SENP6: variants seen among roughly 807,000 people sequenced by gnomAD.
SENP6 encodes SUMO specific peptidase 6, also known as sentrin-specific protease 6.
Under a neutral mutation model 134.5 loss-of-function variants are expected in SENP6, and 41 were observed. The ratio of observed to expected loss-of-function variants is 0.30; its 90% confidence interval spans 0.24 to 0.40. The LOEUF is 0.40. Among genes scored for constraint, SENP6 ranks in the 10% least tolerant of loss-of-function variants. SENP6 has a pLI of 1.00. For missense variants in SENP6, 1,248 were observed against 1,312.5 expected, an observed-to-expected ratio of 0.95 and a Z score of 0.76; for synonymous variants, 395 against 429.8, an observed-to-expected ratio of 0.92 and a Z score of 1.00.
At chr6:75,657,359 G>T in intron 7 of SENP6, among the ~76,000 whole-genome samples, 1 of 152,096 alleles carries the variant, frequency 6.6e-6, no homozygotes, top group Non-Finnish European at 1.5e-5. Flanking sequence ...ATACCTGGAT[G>T]CTCTGGACTG....
chr6:75,699,728 G>A (rs931796983), intron 18 of SENP6, among the ~76,000 whole-genome samples: 4 of 151,894 alleles, frequency 2.6e-5, no homozygotes, highest in Admixed American at 6.6e-5. Context: ...GAGCCGAAGC[G>A]GTCCACCTGC....
chr6:75,713,066 T>A (rs1392844256), intron 21 of SENP6, among the ~76,000 whole-genome samples: 3 of 152,152 alleles, frequency 2.0e-5, no homozygotes, highest in Admixed American at 2.0e-4. Context: ...GTTATTACGC[T>A]GCTTCACATG....
chr6:75,626,988 T>C (rs1402594357), intron 3 of SENP6, among the ~76,000 whole-genome samples: 3 of 152,152 alleles, frequency 2.0e-5, no homozygotes, highest in African/African-American at 4.8e-5. Flanking sequence ...CTATTGAGAC[T>C]GAGTCTCACT....
intron 16 of SENP6, among the ~76,000 whole-genome samples, chr6:75,685,306 A>G (rs1002635326): frequency 7.2e-5 from 11 of 151,950 alleles, no homozygotes; most frequent in Admixed American, 5.2e-4. Flanking sequence ...CAGTCAGTCA[A>G]TTTTGTTGAT....
chr6:75,629,928 CTA>C (rs1237101719), intron 3 of SENP6, among the ~76,000 whole-genome samples: 1 of 152,090 alleles, frequency 6.6e-6, no homozygotes, highest in Non-Finnish European at 1.5e-5. Context: ...AAAGAAGAGA[CTA>C]TTCCTAAGTT....
chr6:75,652,683 C>CAAAAAAAAAAAAAAA (rs71002754), intron 7 of SENP6, among the ~76,000 whole-genome samples: 801 of 75,738 alleles, frequency 0.011, 5 homozygotes, highest in African/African-American at 0.017. Flanking sequence ...CTAAAAATCT[C>CAAAAAAAAAAAAAAA]AAAAAAAAAA....
intron 2 of SENP6, chr6:75,622,826 T>TAAA (rs1267354262): frequency 7.8e-7 from 1 of 1,288,252 alleles, no homozygotes; most frequent in African/African-American, 1.5e-5. Context: ...AGATGTTGAT[T>TAAA]TGAAGTTTTA....
Position 75,621,557 on chromosome 6 carries a change from A to G in SENP6, c.78A>G (p.Arg26=). Residue 26 remains arginine (R), a synonymous_variant, in exon 2 of 24, where the codon AGA becomes AGG. Coordinates refer to ENST00000447266, the MANE Select transcript of SENP6 (RefSeq NM_015571.4). ...CTTTGGCTAGATCAGAGTCTAAGAG[A>G]GATGGAGGTTTTAAAAATAATTGGA... is the stretch of plus-strand genomic sequence containing the variant. ...LEALARSESK[R]DGGFKNNWSF... is the part of the protein sequence containing the mutation. 6.2e-7 allele frequency: 1 copy of G among 1,611,072 alleles called. No individual in the cohort carries two copies. Among genetic ancestry groups the G allele is most frequent in the Non-Finnish European group, 8.5e-7 (1 of 1,177,718 alleles).
rs201458110 is a variant in SENP6 at position 75,699,221 on chromosome 6, C to CTAAGTGA, written c.2288+1704_2288+1705insTAAGTGA. ...AGGCGCATCCCTCTTAGTCACTATA[C>CTAAGTGA]CTCTGCATGGAAGTTATTATCAGTG... is the stretch of plus-strand genomic sequence containing the variant. On this transcript the variant is annotated intron_variant, in intron 18 of 23. Coordinates refer to ENST00000447266, the MANE Select transcript of SENP6 (RefSeq NM_015571.4). Among the ~76,000 whole-genome samples the CTAAGTGA allele has an allele frequency of 0.01, 1,589 of 152,014 alleles. 53 individuals carry two copies. The East Asian group carries it at 0.14, about 13-fold the overall frequency.
At chr6:75,705,525 C>G (rs1775329087) in intron 19 of SENP6, among the ~76,000 whole-genome samples, 1 of 152,048 alleles carries the variant, frequency 6.6e-6, no homozygotes, top group South Asian at 2.1e-4. Context: ...GTCTGGGCAA[C>G]AGAGCGAGAC....
At chr6:75,669,381 T>G (rs1241580907) in intron 10 of SENP6, among the ~76,000 whole-genome samples, 1 of 152,088 alleles carries the variant, frequency 6.6e-6, no homozygotes, top group Non-Finnish European at 1.5e-5. Flanking sequence ...TGGAAAATAT[T>G]AATGATAAAT....
chr6:75,675,710 AT>A (rs201073122), intron 12 of SENP6, 149 bp from the exon 13 acceptor site: 14 of 879,894 alleles, frequency 1.6e-5, no homozygotes, highest in Middle Eastern at 2.2e-4. Flanking sequence ...AGTTATAAAG[AT>A]TTTTTTTATT....
intron 1 of SENP6, among the ~76,000 whole-genome samples, chr6:75,612,772 G>A (rs969421796): frequency 6.6e-6 from 1 of 152,120 alleles, no homozygotes; most frequent in African/African-American, 2.4e-5. Context: ...CATCCCCAAG[G>A]ACCAAATCAT....
rs538621601 is a variant in SENP6, at chr6:75,631,755, A to G, written c.208-1826A>G. Among the ~76,000 whole-genome samples the G allele has an allele frequency of 3.9e-5, 6 of 152,370 alleles. No homozygotes were observed. In the East Asian group the frequency reaches 1.2e-3, roughly 29 times the overall value. ...AGAGACTATATGATCAAGAAAGCCT[A>G]CAATACTTACTTTTAGCCCTTGGCA... On this transcript the variant is annotated intron_variant, in intron 3 of 23. Transcript: ENST00000447266.
chr6:75,682,850 G>C (rs922551535), intron 16 of SENP6, among the ~76,000 whole-genome samples: 2 of 152,144 alleles, frequency 1.3e-5, no homozygotes, highest in Non-Finnish European at 2.9e-5. Context: ...ATTGTGAATA[G>C]TGCCGCAATA....
At chr6:75,672,883 A>C (rs1772787401) in intron 11 of SENP6, among the ~76,000 whole-genome samples, 1 of 152,116 alleles carries the variant, frequency 6.6e-6, no homozygotes. Flanking sequence ...GCTGGAGTGC[A>C]GTGGCGCAAT....
intron 9 of SENP6, among the ~76,000 whole-genome samples, chr6:75,665,216 G>A (rs1418467519): frequency 6.6e-6 from 1 of 152,052 alleles, no homozygotes; most frequent in Non-Finnish European, 1.5e-5. Flanking sequence ...AACCCAGGAG[G>A]TGGAGCTTGC....
At chr6:75,677,316 ATGT>A in intron 14 of SENP6, 60 bp downstream of exon 14, 1 of 1,143,376 alleles carries the variant, frequency 8.7e-7, no homozygotes, top group Non-Finnish European at 1.2e-6. Flanking sequence ...AAAGGGAAAT[ATGT>A]TTTATTTTAA....
intron 10 of SENP6, 40 bp downstream of exon 10, chr6:75,666,981 C>A: frequency 1.4e-6 from 2 of 1,407,316 alleles, no homozygotes; most frequent in South Asian, 1.3e-5. Context: ...AGATTAATGC[C>A]TCCATTTTGG....
Sources: gnomAD v4.1 joint callset for allele counts (sites outside exome capture counted in the v4.1 genomes callset) on GRCh38, gnomAD v4.1.1 for gene constraint, MANE v1.5 for transcripts, NCBI Gene and HGNC (gene_info 2026-07-23, HGNC 2026-07-21) for gene names.